KLK3: variants seen among roughly 807,000 people sequenced by gnomAD.
The protein encoded by KLK3 is kallikrein related peptidase 3, also known as prostate-specific antigen.
KLK3 carries 23 observed loss-of-function variants against 27.7 expected under a neutral mutation model. The ratio of observed to expected loss-of-function variants is 0.83; its 90% CI spans 0.60 to 1.17. The LOEUF is 1.17. KLK3 is among the 50% of genes most tolerant of loss of function. The pLI, the probability that KLK3 is intolerant of heterozygous loss-of-function variation, is 0.00. For synonymous variants in KLK3, 142 were observed against 134.2 expected, an observed-to-expected ratio of 1.06 and a Z score of -0.40; for missense variants, 322 against 338.1, an observed-to-expected ratio of 0.95 and a Z score of 0.37.
At chr19:50,857,163 A>AAAAAAAAAG (rs2090154787) in intron 2 of KLK3, among the ~76,000 whole-genome samples, 1 of 70,610 alleles carries the variant, frequency 1.4e-5, no homozygotes, top group Non-Finnish European at 2.8e-5. Flanking sequence ...ACTCCGCCTC[A>AAAAAAAAAG]AAAAAAAAAA....
At position 50,858,275 on chromosome 19, in the gene KLK3, C is replaced by T; in HGVS notation, c.453C>T (p.Thr151=). The T allele has an allele frequency of 6.2e-7, 1 of 1,614,114 alleles. No individual in the cohort carries two copies. The highest frequency in any genetic ancestry group is 8.5e-7 in the Non-Finnish European group (1 of 1,180,030). ...LPTQEPALGT[T]CYASGWGSIE... The stretch of plus-strand genomic sequence containing the variant: ...CCCAGGAGCCAGCACTGGGGACCAC[C>T]TGCTACGCCTCAGGCTGGGGCAGCA... The change falls in exon 3 of 5, where the codon ACC becomes ACT. Residue 151 remains threonine (T), a synonymous_variant. Coordinates refer to ENST00000326003, the MANE Select transcript of KLK3 (RefSeq NM_001648.2).
chr19:50,856,306 G>T lies in KLK3; in HGVS notation c.113G>T (p.Trp38Leu), dbSNP rs762952938. Reference protein sequence around the residue: ...GWECEKHSQPWQVLVASRGRA... With the variant: ...GWECEKHSQPLQVLVASRGRA... ...GAGTGCGAGAAGCATTCCCAACCCT[G>T]GCAGGTGCTTGTGGCCTCTCGTGGC... The change falls in exon 2 of 5, where the codon TGG (tryptophan) becomes TTG (leucine). Residue 38 changes from tryptophan to leucine, a missense_variant. Trp to Leu is a moderately conservative substitution (Grantham distance 61, BLOSUM62 -2). Coordinates refer to ENST00000326003, the MANE Select transcript of KLK3 (RefSeq NM_001648.2). 1.1e-5 allele frequency: 17 copies of T among 1,613,444 alleles called. No homozygotes were observed. The South Asian group carries it at 1.3e-4, about 13-fold the overall frequency.
Position 50,858,174 on chromosome 19 carries a change from A to G in KLK3, c.352A>G (p.Ser118Gly). 1.2e-6 allele frequency: 2 copies of G among 1,614,216 alleles called. No homozygotes were observed. The highest frequency in any genetic ancestry group is 1.7e-6 in the Non-Finnish European group (2 of 1,180,048). ...NRFLRPGDDSSHDLMLLRLSE... is the reference protein window; with the variant it reads ...NRFLRPGDDSGHDLMLLRLSE... The stretch of plus-strand genomic sequence containing the variant: ...ATTCCTCAGGCCAGGTGATGACTCC[A>G]GCCACGACCTCATGCTGCTCCGCCT... Residue 118 changes from serine (S) to glycine (G), a missense_variant, in exon 3 of 5, where the codon AGC becomes GGC. Transcript: ENST00000326003.
intron 4 of KLK3, 68 bp downstream of exon 4, chr19:50,858,663 T>C: frequency 1.9e-6 from 3 of 1,582,338 alleles, no homozygotes; most frequent in Non-Finnish European, 2.6e-6. Flanking sequence ...TGGGCTGGGG[T>C]CTAGAAGCCA....
intron 1 of KLK3, 34 bp downstream of exon 1, chr19:50,855,035 A>T: frequency 6.2e-7 from 1 of 1,609,934 alleles, no homozygotes; most frequent in Non-Finnish European, 8.5e-7. Flanking sequence ...GATGCAGGAG[A>T]GGGAGCCAGC....
Position 50,860,272 on chromosome 19 carries a change from T to G in KLK3, c.*145T>G. ...GAAAAGAAATCAGCAGACACAGGTG[T>G]AGACCAGAGTGTTTCTTAAATGGTG... On this transcript the variant is annotated 3_prime_UTR_variant, in exon 5 of 5. Transcript: ENST00000326003. The G allele has an allele frequency of 1.6e-6, 1 of 624,072 alleles. No homozygotes were observed. Among genetic ancestry groups the G allele is most frequent in the South Asian group, 2.3e-5 (1 of 43,856 alleles). The allele number at this position is 624,072 out of a possible 1,614,324, so 38.7% of individuals were successfully genotyped here.
chr19:50,855,076 C>T (rs777642061), intron 1 of KLK3, 75 bp downstream of exon 1: 8 of 1,507,718 alleles, frequency 5.3e-6, no homozygotes, highest in East Asian at 2.3e-5. Flanking sequence ...TCTTTCCCCC[C>T]CAACCCAGCA....
chr19:50,858,658 TG>T (rs750680606), intron 4 of KLK3, 63 bp downstream of exon 4: 36 of 1,596,116 alleles, frequency 2.3e-5, no homozygotes, highest in Non-Finnish European at 8.6e-7. Flanking sequence ...AATTCTGGGC[TG>T]GGGTCTAGAA....
intron 2 of KLK3, chr19:50,856,717 T>C (rs1599991250): frequency 6.8e-6 from 2 of 292,780 alleles, no homozygotes; most frequent in Non-Finnish European, 1.3e-5. Flanking sequence ...TCTCCATATC[T>C]CCCCCTCTCT....
intron 1 of KLK3, 76 bp downstream of exon 1, chr19:50,855,077 C>A (rs266881): frequency 0.46 from 689,164 of 1,494,016 alleles, 162,442 homozygotes; most frequent in African/African-American, 0.51. Context: ...CTTTCCCCCC[C>A]AACCCAGCAC....
chr19:50,859,675 G>A, intron 4 of KLK3: 2 of 1,602,154 alleles, frequency 1.2e-6, no homozygotes, highest in Non-Finnish European at 1.7e-6. Flanking sequence ...GCATCCTGCA[G>A]ATGGTCCTGG....
rs372148450 is a variant in KLK3 at position 50,858,511 on chromosome 19, C to T, written c.546C>T (p.Asp182=). 33 of 1,614,172 alleles carry T rather than the reference C, an allele frequency of 2.0e-5. No individual in the cohort carries two copies. Among genetic ancestry groups the T allele is most frequent in the Admixed American group, 2.0e-4 (12 of 60,026 alleles). ...QCVDLHVISN[D]VCAQVHPQKV... ...TGGACCTCCATGTTATTTCCAATGA[C>T]GTGTGTGCGCAAGTTCACCCTCAGA... Residue 182 remains aspartate, a synonymous_variant, in exon 4 of 5, where the codon GAC becomes GAT. Coordinates refer to ENST00000326003, the MANE Select transcript of KLK3 (RefSeq NM_001648.2).
rs138273452 is a variant in KLK3, at chr19:50,858,282, G to T, written c.460G>T (p.Ala154Ser). The change falls in exon 3 of 5, where the codon GCC becomes TCC. Residue 154 changes from alanine (A) to serine (S), a missense_variant. Ala to Ser is a moderately conservative substitution (Grantham distance 99). Coordinates refer to ENST00000326003, the MANE Select transcript of KLK3 (RefSeq NM_001648.2). ...QEPALGTTCYASGWGSIEPEE... is the reference protein window; with the variant it reads ...QEPALGTTCYSSGWGSIEPEE... ...GCCAGCACTGGGGACCACCTGCTAC[G>T]CCTCAGGCTGGGGCAGCATTGAACC... is the stretch of plus-strand genomic sequence containing the variant. The T allele has an allele frequency of 6.2e-7, 1 of 1,613,874 alleles. No individual in the cohort carries two copies. The highest frequency in any genetic ancestry group is 2.2e-5 in the East Asian group (1 of 44,890).
chr19:50,855,894 T>A, intron 1 of KLK3: 1 of 191,532 alleles, frequency 5.2e-6, no homozygotes, highest in Non-Finnish European at 1.1e-5. Flanking sequence ...GTACCAAGTT[T>A]CCCTTCTCCC....
chr19:50,858,659 G>A, intron 4 of KLK3, 64 bp downstream of exon 4: 1 of 1,595,036 alleles, frequency 6.3e-7, no homozygotes, highest in Non-Finnish European at 8.6e-7. Flanking sequence ...ATTCTGGGCT[G>A]GGGTCTAGAA....
chr19:50,857,162 C>CAAAAAAAAAAAA (rs560911495), intron 2 of KLK3, among the ~76,000 whole-genome samples: 24 of 46,412 alleles, frequency 5.2e-4, no homozygotes, highest in Admixed American at 9.8e-4. Flanking sequence ...GACTCCGCCT[C>CAAAAAAAAAAAA]AAAAAAAAAA....
intron 4 of KLK3, chr19:50,859,542 A>G: frequency 6.2e-7 from 1 of 1,612,878 alleles, no homozygotes; most frequent in Non-Finnish European, 8.5e-7. Flanking sequence ...GGTCATTCTG[A>G]TCACCGAACT....
intron 4 of KLK3, chr19:50,859,730 CT>C: frequency 6.5e-7 from 1 of 1,532,042 alleles, no homozygotes; most frequent in East Asian, 2.3e-5. Flanking sequence ...CTCGTGGACC[CT>C]CCCCTCTGCA....
In KLK3 at chr19:50,860,383, G is replaced by C. The variant is rs774491454; in HGVS notation, c.*256G>C. On this transcript the variant is annotated 3_prime_UTR_variant, in exon 5 of 5. Transcript: ENST00000326003. ...TTTCTCTGAGGACACAGATAGGATG[G>C]GGTGTCTGTGTTATTTGTGGGGTAC... 2.6e-5 allele frequency: 10 copies of C among 380,724 alleles called. No homozygotes were observed. The highest frequency in any genetic ancestry group is 4.1e-5 in the Admixed American group (1 of 24,372). The allele number at this position is 380,724 out of a possible 1,614,324, so 23.6% of individuals were successfully genotyped here.
Sources: gnomAD v4.1 joint callset for allele counts (sites outside exome capture counted in the v4.1 genomes callset) on GRCh38, gnomAD v4.1.1 for gene constraint, MANE v1.5 for transcripts, NCBI Gene and HGNC (gene_info 2026-07-23, HGNC 2026-07-21) for gene names.